The following STXBP5L variants were observed in gnomAD, a reference collection of about 807,000 sequenced individuals.
STXBP5L encodes the protein syntaxin-binding protein 5-like.
STXBP5L carries 65 observed loss-of-function variants against 144.5 expected under a neutral mutation model. That is an observed-to-expected ratio of 0.45 (90% CI 0.37 to 0.55). The LOEUF (loss-of-function observed/expected upper bound fraction) is 0.55, where lower values mean the gene tolerates loss of function less well. Among genes scored for constraint, STXBP5L ranks in the 20% least tolerant of loss-of-function variants. STXBP5L has a pLI of 0.00. For missense variants in STXBP5L, 1,298 were observed against 1,405.5 expected (o/e 0.92, Z 1.22); for synonymous variants, 505 against 469.6 (o/e 1.08, Z -0.97).
intron 2 of STXBP5L, among the ~76,000 whole-genome samples, chr3:120,917,626 C>T (rs662110): frequency 0.21 from 32,470 of 151,862 alleles, 3,704 homozygotes; most frequent in Non-Finnish European, 0.26. Flanking sequence ...GATAGGAGTT[C>T]GAGGCTCTAA....
At chr3:121,225,944 C>A (rs1300035862) in intron 11 of STXBP5L, among the ~76,000 whole-genome samples, 1 of 152,140 alleles carries the variant, frequency 6.6e-6, no homozygotes, top group Non-Finnish European at 1.5e-5. Context: ...ATGGCTATGG[C>A]CTGTTGACAA....
chr3:121,094,328 G>T (rs937580593), intron 5 of STXBP5L, among the ~76,000 whole-genome samples: 1 of 152,226 alleles, frequency 6.6e-6, no homozygotes, highest in African/African-American at 2.4e-5. Flanking sequence ...GGGTATCCTT[G>T]TCGACTTTCT....
At chr3:120,999,821 CTTTA>C (rs1012074756) in intron 3 of STXBP5L, among the ~76,000 whole-genome samples, 8 of 114,326 alleles carry the variant, frequency 7.0e-5, no homozygotes, top group Non-Finnish European at 1.6e-4. Flanking sequence ...TGCATTTCTC[CTTTA>C]TTTGTCTCCT....
intron 3 of STXBP5L, among the ~76,000 whole-genome samples, chr3:120,963,785 A>G (rs1388846555): frequency 1.3e-5 from 2 of 152,226 alleles, no homozygotes; most frequent in African/African-American, 4.8e-5. Flanking sequence ...TATTGGCCTC[A>G]TAAAATGAAT....
intron 5 of STXBP5L, among the ~76,000 whole-genome samples, chr3:121,095,182 G>T (rs568480852): frequency 1.1e-4 from 16 of 152,270 alleles, no homozygotes; most frequent in East Asian, 5.8e-4. Context: ...GCTTCCCTTT[G>T]TGGGTAACCC....
intron 11 of STXBP5L, among the ~76,000 whole-genome samples, chr3:121,233,193 A>G (rs1404047340): frequency 6.6e-6 from 1 of 152,202 alleles, no homozygotes; most frequent in Non-Finnish European, 1.5e-5. Flanking sequence ...GCTCTTATAC[A>G]GATGTGAATG....
At chr3:121,302,181 T>G (rs2051942464) in intron 19 of STXBP5L, among the ~76,000 whole-genome samples, 1 of 151,940 alleles carries the variant, frequency 6.6e-6, no homozygotes, top group Non-Finnish European at 1.5e-5. Context: ...GGTCCTGGAC[T>G]TTTTTTTGGT....
In STXBP5L at chr3:121,386,290, G is replaced by A. The variant is rs546950166; in HGVS notation, c.2587+4758G>A. Among the ~76,000 whole-genome samples, 58 of 152,136 alleles carry A rather than the reference G, an allele frequency of 3.8e-4. 2 individuals are homozygous for A. The highest frequency in any genetic ancestry group is 3.0e-3 in the Admixed American group (46 of 15,258). On this transcript the variant is annotated intron_variant, in intron 22 of 26. Transcript: ENST00000471454. ...TATGTTCAAGTGTACCCATTGTTTA[G>A]CTCCACCTTATAAGTGAGAACATGT...
chr3:121,151,234 A>C (rs2045922151), intron 7 of STXBP5L, among the ~76,000 whole-genome samples: 1 of 152,152 alleles, frequency 6.6e-6, no homozygotes. Flanking sequence ...ATATTACTCA[A>C]ATATGTATTT....
intron 3 of STXBP5L, among the ~76,000 whole-genome samples, chr3:120,985,754 T>C (rs934643354): frequency 6.6e-5 from 10 of 152,026 alleles, no homozygotes; most frequent in Non-Finnish European, 1.0e-4. Context: ...TTCTGTATAA[T>C]GAGTAGTAAT....
chr3:120,955,970 G>C (rs1055133658), intron 3 of STXBP5L, among the ~76,000 whole-genome samples: 1 of 151,964 alleles, frequency 6.6e-6, no homozygotes, highest in African/African-American at 2.4e-5. Flanking sequence ...TGTATCAATA[G>C]TTTATTCCTT....
chr3:121,366,018 G>A (rs2045854804), intron 20 of STXBP5L, among the ~76,000 whole-genome samples: 2 of 151,682 alleles, frequency 1.3e-5, no homozygotes, highest in Admixed American at 1.3e-4. Flanking sequence ...TTTCTGCCTT[G>A]ATCCATTGGT....
At chr3:121,372,094 T>G (rs962185501) in intron 20 of STXBP5L, among the ~76,000 whole-genome samples, 3 of 152,090 alleles carry the variant, frequency 2.0e-5, no homozygotes, top group African/African-American at 7.2e-5. Flanking sequence ...GGACTCAGTG[T>G]GGTGCAGGCA....
chr3:121,297,469 A>G (rs1036025289), intron 19 of STXBP5L, among the ~76,000 whole-genome samples: 1 of 152,158 alleles, frequency 6.6e-6, no homozygotes, highest in Non-Finnish European at 1.5e-5. Flanking sequence ...ATATAGGAAA[A>G]GAGGCTGGGC....
chr3:121,262,461 C>G (rs2050415424), intron 18 of STXBP5L, among the ~76,000 whole-genome samples: 1 of 152,156 alleles, frequency 6.6e-6, no homozygotes. Context: ...GAAACCCCAT[C>G]TCTACTAACA....
chr3:121,305,482 C>A (rs1352123612), intron 19 of STXBP5L, among the ~76,000 whole-genome samples: 1 of 151,980 alleles, frequency 6.6e-6, no homozygotes, highest in East Asian at 1.9e-4. Context: ...GTGGATTTAT[C>A]CCAGGAATGC....
At chr3:121,027,730 CCAAA>C (rs1301102042) in intron 3 of STXBP5L, among the ~76,000 whole-genome samples, 2 of 152,038 alleles carry the variant, frequency 1.3e-5, no homozygotes, top group African/African-American at 2.4e-5. Context: ...TCATGGTCAG[CCAAA>C]CAGTGACCTT....
chr3:121,176,665 T>C (rs1025767831), intron 9 of STXBP5L, among the ~76,000 whole-genome samples: 2 of 151,542 alleles, frequency 1.3e-5, no homozygotes, highest in Admixed American at 1.3e-4. Context: ...TTCAAGAAAG[T>C]AAGTCAATAA....
chr3:121,370,314 G>T (rs1463012269), intron 20 of STXBP5L, among the ~76,000 whole-genome samples: 1 of 152,182 alleles, frequency 6.6e-6, no homozygotes, highest in Non-Finnish European at 1.5e-5. Context: ...GTTGCGGTGA[G>T]CTGACATTAC....
Sources: allele counts gnomAD v4.1 joint callset (sites outside exome capture counted in the v4.1 genomes callset), GRCh38; gene constraint gnomAD v4.1.1; transcripts MANE v1.5; gene names NCBI Gene and HGNC (gene_info 2026-07-23, HGNC 2026-07-21).